ETV7: variants seen among roughly 807,000 people sequenced by gnomAD.
ETV7 encodes the protein ETS variant transcription factor 7.
ETV7 carries 43 observed loss-of-function variants against 39.1 expected under a neutral mutation model. That is an observed-to-expected ratio of 1.10 (90% CI 0.86 to 1.42). The LOEUF is 1.42. ETV7 is among the 40% of genes most tolerant of loss of function. The pLI, the probability that ETV7 is intolerant of heterozygous loss-of-function variation, is 0.00. For missense variants in ETV7, 432 were observed against 442.3 expected (o/e 0.98, Z 0.21); for synonymous variants, 196 against 176.6 (o/e 1.11, Z -0.87).
exon 8 of ETV7, chr6:36,354,348 T>A (rs1032269932): frequency 2.8e-4 from 63 of 225,890 alleles, no homozygotes; most frequent in African/African-American, 1.3e-3. Flanking sequence ...TCATGAAGAT[T>A]TACTCCTATG....
chr6:36,368,050 C>G (rs374054127), intron 6 of ETV7, among the ~76,000 whole-genome samples: 5 of 152,146 alleles, frequency 3.3e-5, no homozygotes, highest in Non-Finnish European at 7.3e-5. Context: ...TTCCAGCCAC[C>G]AGCACTGCTA....
At chr6:36,387,197 G>A (rs1041590728) in intron 1 of ETV7, among the ~76,000 whole-genome samples, 1 of 152,212 alleles carries the variant, frequency 6.6e-6, no homozygotes, top group Non-Finnish European at 1.5e-5. Flanking sequence ...CACCAGCTGT[G>A]AGGACCTGGC....
At chr6:36,378,850 T>C (rs552297875) in intron 2 of ETV7, among the ~76,000 whole-genome samples, 34 of 152,256 alleles carry the variant, frequency 2.2e-4, no homozygotes, top group Non-Finnish European at 4.3e-4. Flanking sequence ...AGCAGCAAAA[T>C]TGCTGCCAGG....
At chr6:36,384,431 T>A (rs1198210786) in intron 2 of ETV7, among the ~76,000 whole-genome samples, 3 of 152,164 alleles carry the variant, frequency 2.0e-5, no homozygotes, top group African/African-American at 7.2e-5. Context: ...TTGATGAAGA[T>A]CCCTAGTCAT....
chr6:36,384,808 G>A (rs1183406018), intron 2 of ETV7, among the ~76,000 whole-genome samples: 1 of 152,082 alleles, frequency 6.6e-6, no homozygotes, highest in Non-Finnish European at 1.5e-5. Context: ...AGAATCGCTT[G>A]AACCAGGGAG....
Position 36,387,653 on chromosome 6 carries a change from C to G in ETV7, c.-112G>C. 1.6e-6 allele frequency: 2 copies of G among 1,250,410 alleles called. No individual in the cohort carries two copies. The highest frequency in any genetic ancestry group is 2.3e-6 in the Non-Finnish European group (2 of 873,850). The allele number at this position is 1,250,410 out of a possible 1,614,324, so 77.5% of individuals were successfully genotyped here. On this transcript the variant is annotated 5_prime_UTR_variant, in exon 1 of 8. Coordinates refer to ENST00000340181, the MANE Select transcript of ETV7 (RefSeq NM_016135.4). ...AGTCCTCCTCCGCCAAACCCCTAAC[C>G]TGGCTCCGAGAACTGGAAGGTCGCG...
At chr6:36,377,580 G>A (rs953000742) in intron 2 of ETV7, among the ~76,000 whole-genome samples, 5 of 152,128 alleles carry the variant, frequency 3.3e-5, no homozygotes, top group African/African-American at 1.2e-4. Context: ...AACTGTCCAA[G>A]GCCACACCTT....
At chr6:36,373,390 C>A (rs1475156529) in intron 4 of ETV7, 63 bp downstream of exon 4, 134 of 1,448,796 alleles carry the variant, frequency 9.2e-5, no homozygotes, top group Non-Finnish European at 1.2e-4. Context: ...TTGAGGATGT[C>A]CTGCCCTCCC....
intron 7 of ETV7, among the ~76,000 whole-genome samples, chr6:36,354,852 G>A (rs1015016293): frequency 1.3e-5 from 2 of 152,172 alleles, no homozygotes; most frequent in Non-Finnish European, 1.5e-5. Context: ...AGTTTTCAGA[G>A]TATATGTCTT....
At chr6:36,382,315 C>A (rs1268108172) in intron 2 of ETV7, among the ~76,000 whole-genome samples, 1 of 152,158 alleles carries the variant, frequency 6.6e-6, no homozygotes, top group African/African-American at 2.4e-5. Flanking sequence ...AAATATTTAT[C>A]TTGGTCCACT....
intron 2 of ETV7, among the ~76,000 whole-genome samples, chr6:36,383,266 G>A (rs1773740059): frequency 6.6e-6 from 1 of 152,136 alleles, no homozygotes. Flanking sequence ...ATACAGGGAA[G>A]CATAGTTGTG....
intron 7 of ETV7, among the ~76,000 whole-genome samples, chr6:36,360,074 G>T (rs1772446521): frequency 6.6e-6 from 1 of 152,096 alleles, no homozygotes; most frequent in South Asian, 2.1e-4. Context: ...TTTATTTTTA[G>T]TAGAGACGGA....
At chr6:36,364,629 C>G (rs1772653367), downstream of ETV7, among the ~76,000 whole-genome samples, 1 of 152,244 alleles carries the variant, frequency 6.6e-6, no homozygotes, top group South Asian at 2.1e-4. Context: ...CACCTCCCTT[C>G]AAGCTGAGGG....
intron 6 of ETV7, among the ~76,000 whole-genome samples, chr6:36,368,602 G>C (rs1772841363): frequency 6.6e-6 from 1 of 152,150 alleles, no homozygotes; most frequent in South Asian, 2.1e-4. Flanking sequence ...CTGGGTTTCT[G>C]TCCAGCTCCC....
At chr6:36,386,272 G>C (rs1773892946) in intron 1 of ETV7, among the ~76,000 whole-genome samples, 1 of 152,180 alleles carries the variant, frequency 6.6e-6, no homozygotes. Flanking sequence ...AAGTTGGAGT[G>C]AGCCAAGATC....
downstream of ETV7, among the ~76,000 whole-genome samples, chr6:36,363,367 C>T (rs189342596): frequency 1.9e-3 from 289 of 151,880 alleles, no homozygotes; most frequent in African/African-American, 6.8e-3. Context: ...CGTCTGGAGT[C>T]GTTCGTTCCT....
rs1213738226 is a variant in ETV7, at chr6:36,373,592, G to A, written c.308-14C>T. The A allele has an allele frequency of 2.0e-6, 3 of 1,515,706 alleles. No homozygotes were observed. The highest frequency in any genetic ancestry group is 2.2e-5 in the Admixed American group (1 of 44,914). 93.9% of individuals were successfully genotyped at this position (1,515,706 alleles called of 1,614,324 possible). Reference sequence around the variant, plus strand: ...ACAGGACGTCACCTGGAGGTGGGTGGGAGGGAGGGCAGGCTGCTGAACAGG... The same window carrying A: ...ACAGGACGTCACCTGGAGGTGGGTGAGAGGGAGGGCAGGCTGCTGAACAGG... On this transcript the variant is annotated splice_polypyrimidine_tract_variant and intron_variant, in intron 3 of 7. Transcript: ENST00000340181.
intron 7 of ETV7, among the ~76,000 whole-genome samples, chr6:36,356,323 C>CAAAAAAAAA (rs59649348): frequency 0.01 from 783 of 77,530 alleles, 16 homozygotes; most frequent in Non-Finnish European, 0.017. Flanking sequence ...GACCCTGTCT[C>CAAAAAAAAA]AAAAAAAAAA....
At chr6:36,371,907 A>G (rs1352997811) in intron 4 of ETV7, among the ~76,000 whole-genome samples, 2 of 152,262 alleles carry the variant, frequency 1.3e-5, no homozygotes, top group African/African-American at 4.8e-5. Context: ...AGAGCCTTCT[A>G]TGAACCAGGC....
Sources: allele counts gnomAD v4.1 joint callset (sites outside exome capture counted in the v4.1 genomes callset), GRCh38; gene constraint gnomAD v4.1.1; transcripts MANE v1.5; gene names NCBI Gene and HGNC (gene_info 2026-07-23, HGNC 2026-07-21).